GPHN: variants seen among roughly 807,000 people sequenced by gnomAD.
GPHN encodes gephyrin.
A neutral mutation model predicts 95.5 loss-of-function variants in GPHN; 17 were observed. The observed-to-expected ratio is 0.18, with a 90% CI of 0.12 to 0.27. The LOEUF (loss-of-function observed/expected upper bound fraction) is 0.27. Among genes scored for constraint, GPHN ranks in the 10% least tolerant of loss-of-function variants. GPHN has a pLI of 1.00. For synonymous variants in GPHN, 320 were observed against 322.5 expected, an observed-to-expected ratio of 0.99 and a Z score of 0.08; for missense variants, 660 against 978.1, an observed-to-expected ratio of 0.67 and a Z score of 4.34.
At chr14:67,446,114 A>G in the GPHN span, 1 of 495,522 alleles carries the variant, frequency 2.0e-6, no homozygotes, top group Non-Finnish European at 4.0e-6. Context: ...CTCTGGGAGG[A>G]TGTGAAAAAG....
chr14:66,626,077 G>T (rs1339305634), intron 1 of GPHN, among the ~76,000 whole-genome samples: 1 of 152,130 alleles, frequency 6.6e-6, no homozygotes, highest in Non-Finnish European at 1.5e-5. Flanking sequence ...TTAGCCATGT[G>T]ATGGAGAAGT....
chr14:67,321,042 ATT>A, the GPHN span: 1 of 1,612,868 alleles, frequency 6.2e-7, no homozygotes, highest in Non-Finnish European at 8.5e-7. Flanking sequence ...TTTCTATCTG[ATT>A]TTGTTTGCCT....
At chr14:66,840,653 C>T (rs375144399) in intron 4 of GPHN, among the ~76,000 whole-genome samples, 6 of 149,038 alleles carry the variant, frequency 4.0e-5, no homozygotes, top group Admixed American at 1.4e-4. Flanking sequence ...TATATTTCTA[C>T]GTGTCATGAA....
rs966479476 is a variant in GPHN at position 67,102,162 on chromosome 14, G to C, written c.1293+1251G>C. On this transcript the variant is annotated intron_variant, in intron 13 of 22. Transcript: ENST00000478722. ...GCTGGGATTACAAGCGTGAGCCACCGCGCCCGGCCTGGCCATTGTTATGTT... is the reference window on the plus strand; with the variant it reads ...GCTGGGATTACAAGCGTGAGCCACCCCGCCCGGCCTGGCCATTGTTATGTT... Among the ~76,000 whole-genome samples the C allele has an allele frequency of 1.1e-4, 16 of 151,910 alleles. No individual in the cohort carries two copies. In the South Asian group the frequency reaches 3.1e-3, roughly 30 times the overall value.
At chr14:67,198,181 A>G in the GPHN span, 1 of 1,613,178 alleles carries the variant, frequency 6.2e-7, no homozygotes, top group Middle Eastern at 1.7e-4. Context: ...AACACCAGCA[A>G]GACTACCATG....
At chr14:66,985,847 A>AT (rs1044348871) in intron 9 of GPHN, 23 of 578,056 alleles carry the variant, frequency 4.0e-5, no homozygotes, top group South Asian at 7.3e-5. Context: ...TCACCATCCC[A>AT]TTTTTTTTAT....
the GPHN span, chr14:67,580,871 G>A: frequency 1.9e-6 from 2 of 1,035,336 alleles, no homozygotes; most frequent in Non-Finnish European, 3.0e-6. Flanking sequence ...GTCCAGCCCT[G>A]GCTGGACCTT....
At chr14:67,284,547 TAAAAAAAAAAAAAAAAAAAAA>T in the GPHN span, among the ~76,000 whole-genome samples, 172 of 23,290 alleles carry the variant, frequency 7.4e-3, 1 homozygote, top group African/African-American at 0.017. Context: ...GCTGCAGTGC[TAAAAAAAAAAAAAAAAAAAAA>T]AAAAAAAAAA....
chr14:66,605,487 T>C (rs936381946), intron 1 of GPHN, among the ~76,000 whole-genome samples: 4 of 152,162 alleles, frequency 2.6e-5, no homozygotes, highest in Non-Finnish European at 5.9e-5. Flanking sequence ...CTTGGCCACT[T>C]ACAATGTCTT....
In GPHN at chr14:66,508,303, G is replaced by A; in HGVS notation, c.-225G>A. ...TCCTTCTTGCCGGACTTGGGGCCGC[G>A]CGCCCTGACTCCTTCCCCTCCCGCG... On this transcript the variant is annotated 5_prime_UTR_variant, in exon 1 of 23. Coordinates refer to ENST00000478722, the MANE Select transcript of GPHN (RefSeq NM_020806.5). The A allele has an allele frequency of 5.1e-6, 3 of 589,054 alleles. No individual in the cohort carries two copies. Among genetic ancestry groups the A allele is most frequent in the Non-Finnish European group, 9.1e-6 (3 of 330,890 alleles). 36.5% of individuals were successfully genotyped at this position (589,054 alleles called of 1,614,324 possible).
intron 2 of GPHN, among the ~76,000 whole-genome samples, chr14:66,695,158 C>T (rs917891348): frequency 1.3e-5 from 2 of 151,752 alleles, no homozygotes; most frequent in South Asian, 4.2e-4. Flanking sequence ...AAGACTCTGT[C>T]TTAAAAAAAT....
At chr14:66,796,725 C>T (rs1456139234) in intron 3 of GPHN, among the ~76,000 whole-genome samples, 2 of 151,960 alleles carry the variant, frequency 1.3e-5, no homozygotes, top group Non-Finnish European at 2.9e-5. Context: ...GGTCATTAAT[C>T]CCTTGTCCGA....
intron 17 of GPHN, among the ~76,000 whole-genome samples, chr14:67,139,797 T>C (rs1232747412): frequency 6.6e-6 from 1 of 152,060 alleles, no homozygotes; most frequent in Non-Finnish European, 1.5e-5. Context: ...AAAGGAGAGT[T>C]ACAGAGAGTA....
At chr14:66,555,219 T>C (rs543474622) in intron 1 of GPHN, among the ~76,000 whole-genome samples, 38 of 152,328 alleles carry the variant, frequency 2.5e-4, no homozygotes, top group Middle Eastern at 6.8e-3. Context: ...GATGGTATAT[T>C]ATGCATATGG....
chr14:67,406,001 T>C, the GPHN span, among the ~76,000 whole-genome samples: 7 of 152,172 alleles, frequency 4.6e-5, no homozygotes, highest in African/African-American at 1.7e-4. Context: ...CTCACACCTG[T>C]AATCCCAGCA....
chr14:66,840,218 G>A (rs2062020064), intron 4 of GPHN, among the ~76,000 whole-genome samples: 2 of 152,142 alleles, frequency 1.3e-5, no homozygotes, highest in African/African-American at 2.4e-5. Flanking sequence ...GGTGGAGGTT[G>A]CAATGAGCCA....
intron 2 of GPHN, among the ~76,000 whole-genome samples, chr14:66,700,706 T>G (rs1427471047): frequency 6.6e-6 from 1 of 152,052 alleles, no homozygotes; most frequent in Non-Finnish European, 1.5e-5. Context: ...GGGTGGATCA[T>G]GAGGTCAAGA....
At chr14:66,587,093 A>T (rs937797575) in intron 1 of GPHN, among the ~76,000 whole-genome samples, 3 of 152,166 alleles carry the variant, frequency 2.0e-5, no homozygotes, top group Admixed American at 1.3e-4. Flanking sequence ...ATGACAAGAG[A>T]CTACTGTGAA....
chr14:66,560,515 G>T, intron 1 of GPHN, among the ~76,000 whole-genome samples: 1 of 152,166 alleles, frequency 6.6e-6, no homozygotes, highest in Non-Finnish European at 1.5e-5. Context: ...GTGATTGGGA[G>T]TTCACTCATG....
Sources: gnomAD v4.1 joint callset for allele counts (sites outside exome capture counted in the v4.1 genomes callset) on GRCh38, gnomAD v4.1.1 for gene constraint, MANE v1.5 for transcripts, NCBI Gene and HGNC (gene_info 2026-07-23, HGNC 2026-07-21) for gene names.